Variants in IL1R2 observed in about 807,000 individuals in gnomAD.
IL1R2 encodes the protein interleukin 1 receptor type 2.
A neutral mutation model predicts 39.5 loss-of-function variants in IL1R2; 46 were observed. The observed-to-expected ratio is 1.16, with a 90% CI of 0.92 to 1.49. The LOEUF (loss-of-function observed/expected upper bound fraction) is 1.49, where lower values mean the gene tolerates loss of function less well. IL1R2 is among the 40% of genes most tolerant of loss of function. The pLI is 0.00. For synonymous variants in IL1R2, 207 were observed against 189.6 expected (o/e 1.09, Z -0.75); for missense variants, 537 against 502.0 (o/e 1.07, Z -0.67).
At chr2:102,005,784 C>T (rs1349877390) in intron 1 of IL1R2, among the ~76,000 whole-genome samples, 3 of 152,100 alleles carry the variant, frequency 2.0e-5, no homozygotes, top group Non-Finnish European at 2.9e-5. Context: ...AGGTAAGATT[C>T]GGGGGTTCTA....
At chr2:102,009,421 T>G in intron 2 of IL1R2, 141 bp from the exon 3 acceptor site, 1 of 928,878 alleles carries the variant, frequency 1.1e-6, no homozygotes, top group Non-Finnish European at 1.6e-6. Context: ...GTAGGTCTTT[T>G]TGTTAGGGAC....
chr2:102,009,963 T>A, intron 3 of IL1R2, 137 bp downstream of exon 3: 1 of 976,014 alleles, frequency 1.0e-6, no homozygotes, highest in Non-Finnish European at 1.5e-6. Context: ...TCCCGTTTGC[T>A]GTTCCTGACA....
intron 6 of IL1R2, among the ~76,000 whole-genome samples, chr2:102,023,911 G>A (rs3218967): frequency 6.6e-6 from 1 of 152,042 alleles, no homozygotes; most frequent in Non-Finnish European, 1.5e-5. Context: ...TTAGCCGGGC[G>A]TGGTGGCGGG....
At chr2:101,993,600 C>T (rs1355022182) in intron 1 of IL1R2, among the ~76,000 whole-genome samples, 1 of 152,170 alleles carries the variant, frequency 6.6e-6, no homozygotes, top group Non-Finnish European at 1.5e-5. Flanking sequence ...CTCTCTGTCT[C>T]TGTTTCTCTC....
intron 5 of IL1R2, 121 bp downstream of exon 5, chr2:102,019,933 A>T (rs903184356): frequency 1.6e-5 from 12 of 761,466 alleles, no homozygotes; most frequent in African/African-American, 3.5e-5. Flanking sequence ...CGGAAAACAG[A>T]TCCATCAGCT....
intron 7 of IL1R2, among the ~76,000 whole-genome samples, chr2:102,025,800 GT>G (rs992040879): frequency 3.3e-5 from 5 of 151,094 alleles, no homozygotes; most frequent in Admixed American, 6.6e-5. Flanking sequence ...TCCCATGACT[GT>G]TTTTTTTTGT....
intron 1 of IL1R2, among the ~76,000 whole-genome samples, chr2:101,993,501 G>A (rs1482806960): frequency 1.3e-5 from 2 of 152,200 alleles, no homozygotes; most frequent in African/African-American, 4.8e-5. Flanking sequence ...AAAGTTGCCT[G>A]AGGCTCCAAC....
Position 102,022,386 on chromosome 2 carries a change from C to T in IL1R2, c.751+137C>T, listed in dbSNP as rs28385684. 7.6e-3 allele frequency: 5,526 copies of T among 727,184 alleles called. 44 individuals carry two copies. The highest frequency in any genetic ancestry group is 0.039 in the Middle Eastern group (157 of 4,062). 45.0% of individuals were successfully genotyped at this position (727,184 alleles called of 1,614,324 possible). A position where few individuals can be genotyped will look rare whatever the true frequency, so the allele number is the denominator to read the frequency against. On this transcript the variant is annotated intron_variant, in intron 6 of 8. Transcript: ENST00000332549. The stretch of plus-strand genomic sequence containing the variant: ...ATGTGCCTGGGTGGAGACCTTAGAA[C>T]TCCAGTGTGTGAGGCTGGAATAACA...
chr2:102,011,929 T>C (rs914170674), intron 3 of IL1R2, among the ~76,000 whole-genome samples: 1 of 152,220 alleles, frequency 6.6e-6, no homozygotes, highest in Non-Finnish European at 1.5e-5. Context: ...TATATGGTGT[T>C]AGGTAAGGGT....
intron 3 of IL1R2, among the ~76,000 whole-genome samples, chr2:102,013,257 C>T (rs565957428): frequency 6.6e-6 from 1 of 151,964 alleles, no homozygotes; most frequent in South Asian, 2.1e-4. Context: ...ACCTGGCTGA[C>T]CTTTAATACT....
intron 3 of IL1R2, among the ~76,000 whole-genome samples, chr2:102,014,947 AAATAAT>A (rs60026295): frequency 1.6e-4 from 22 of 141,496 alleles, no homozygotes; most frequent in Middle Eastern, 3.7e-3. Context: ...TAGGCTAGTA[AAATAAT>A]AATAATAATA....
chr2:102,004,386 T>G (rs1419568204), intron 1 of IL1R2, among the ~76,000 whole-genome samples: 1 of 151,904 alleles, frequency 6.6e-6, no homozygotes, highest in Non-Finnish European at 1.5e-5. Flanking sequence ...TCTTTTTCCT[T>G]CCTTTCACAC....
chr2:102,000,855 C>A (rs535437525), intron 1 of IL1R2, among the ~76,000 whole-genome samples: 1 of 152,294 alleles, frequency 6.6e-6, no homozygotes, highest in African/African-American at 2.4e-5. Flanking sequence ...TGAGCTCTAC[C>A]AGACTCATGA....
intron 1 of IL1R2, among the ~76,000 whole-genome samples, chr2:101,994,258 C>T (rs1018602227): frequency 1.3e-5 from 2 of 152,122 alleles, no homozygotes; most frequent in African/African-American, 2.4e-5. Flanking sequence ...ACTCCCACCC[C>T]GACCTCCAAA....
intron 8 of IL1R2, 50 bp from the exon 9 acceptor site, chr2:102,028,176 G>T (rs1677847305): frequency 1.2e-5 from 18 of 1,498,654 alleles, no homozygotes; most frequent in Non-Finnish European, 1.5e-5. Context: ...CTGTCCTCTT[G>T]TACAGTGAGA....
At chr2:102,028,181 GTGA>G in intron 8 of IL1R2, 42 bp from the exon 9 acceptor site, 1 of 1,541,592 alleles carries the variant, frequency 6.5e-7, no homozygotes, top group Non-Finnish European at 8.8e-7. Flanking sequence ...CTCTTGTACA[GTGA>G]GAGACTGTTC....
intron 4 of IL1R2, among the ~76,000 whole-genome samples, chr2:102,017,459 C>A (rs1677080454): frequency 6.7e-6 from 1 of 149,938 alleles, no homozygotes; most frequent in Non-Finnish European, 1.5e-5. Flanking sequence ...AATATGAACA[C>A]AATTTATTCC....
intron 5 of IL1R2, among the ~76,000 whole-genome samples, chr2:102,021,220 G>A (rs1236176878): frequency 6.6e-6 from 1 of 151,760 alleles, no homozygotes; most frequent in Non-Finnish European, 1.5e-5. Flanking sequence ...GATGAGGCCC[G>A]TCGTGGAGAC....
At chr2:102,015,408 G>A (rs546424992) in intron 3 of IL1R2, among the ~76,000 whole-genome samples, 2 of 152,308 alleles carry the variant, frequency 1.3e-5, no homozygotes, top group African/African-American at 4.8e-5. Context: ...AGGGACAGAA[G>A]TATTGCAATA....
Sources: allele counts gnomAD v4.1 joint callset (sites outside exome capture counted in the v4.1 genomes callset), GRCh38; gene constraint gnomAD v4.1.1; transcripts MANE v1.5; gene names NCBI Gene and HGNC (gene_info 2026-07-23, HGNC 2026-07-21).